HSPA12A: variants seen among roughly 807,000 people sequenced by gnomAD.
HSPA12A encodes heat shock 70 kDa protein 12A.
A neutral mutation model predicts 69.2 loss-of-function variants in HSPA12A; 28 were observed. The ratio of observed to expected loss-of-function variants is 0.40; its 90% confidence interval spans 0.30 to 0.55. The LOEUF is 0.55. HSPA12A is among the 20% of genes least tolerant of loss of function. The probability of loss-of-function intolerance (pLI) is 0.38; values close to 1 mark genes in which losing one functional copy is unlikely to be tolerated. For missense variants in HSPA12A, 686 were observed against 900.7 expected (o/e 0.76, Z 3.05); for synonymous variants, 345 against 370.5 (o/e 0.93, Z 0.79).
intron 2 of HSPA12A, among the ~76,000 whole-genome samples, chr10:116,812,937 C>T (rs1293978421): frequency 6.6e-6 from 1 of 152,172 alleles, no homozygotes; most frequent in Non-Finnish European, 1.5e-5. Context: ...TCCCACTTTC[C>T]ACCATGAGAC....
intron 1 of HSPA12A, among the ~76,000 whole-genome samples, chr10:116,839,604 T>TAAAAAAAAAA (rs59427633): frequency 3.4e-5 from 2 of 59,134 alleles, no homozygotes; most frequent in Non-Finnish European, 6.4e-5. Context: ...ATGCCTACCG[T>TAAAAAAAAAA]AAAAAAAAAA....
upstream of HSPA12A, among the ~76,000 whole-genome samples, chr10:116,744,443 C>T (rs1219995883): frequency 2.6e-5 from 4 of 152,192 alleles, no homozygotes; most frequent in Non-Finnish European, 5.9e-5. Context: ...AGCAGAAACC[C>T]GTAGCCCCTG....
chr10:116,757,808 G>C (rs1450046103), intron 2 of HSPA12A, among the ~76,000 whole-genome samples: 1 of 152,220 alleles, frequency 6.6e-6, no homozygotes, highest in Non-Finnish European at 1.5e-5. Flanking sequence ...GCCAAGGATT[G>C]TCAGCTGCTA....
intron 4 of HSPA12A, among the ~76,000 whole-genome samples, chr10:116,700,079 G>A (rs1169984634): frequency 6.6e-6 from 1 of 152,206 alleles, no homozygotes; most frequent in Non-Finnish European, 1.5e-5. Flanking sequence ...TCCCCATGAG[G>A]AAGGCACTGC....
intron 1 of HSPA12A, among the ~76,000 whole-genome samples, chr10:116,734,722 G>A (rs915387184): frequency 2.7e-5 from 4 of 147,646 alleles, no homozygotes; most frequent in Admixed American, 7.0e-5. Flanking sequence ...GGCTGAGCAC[G>A]GTGGCTCATG....
At chr10:116,700,520 A>T (rs1427082509) in intron 4 of HSPA12A, among the ~76,000 whole-genome samples, 1 of 152,138 alleles carries the variant, frequency 6.6e-6, no homozygotes, top group Admixed American at 6.5e-5. Context: ...TGGTTAGTTA[A>T]GAGCTACTGC....
At chr10:116,729,411 G>A (rs568194429) in intron 1 of HSPA12A, among the ~76,000 whole-genome samples, 2 of 152,282 alleles carry the variant, frequency 1.3e-5, no homozygotes, top group Admixed American at 1.3e-4. Flanking sequence ...GAAATACTCT[G>A]CACTGACATG....
At chr10:116,749,329 C>A (rs1851721598) in intron 2 of HSPA12A, among the ~76,000 whole-genome samples, 1 of 152,208 alleles carries the variant, frequency 6.6e-6, no homozygotes, top group Non-Finnish European at 1.5e-5. Flanking sequence ...ATGTGCTGGG[C>A]ATTGCTCTGG....
rs1844389301 is a variant in HSPA12A at position 116,778,428 on chromosome 10, C to T, written c.91+56507G>A. Among the ~76,000 whole-genome samples, 3 of 152,192 alleles carry T rather than the reference C, an allele frequency of 2.0e-5. No homozygotes were observed. The South Asian group carries it at 6.2e-4, about 32-fold the overall frequency. ...TTCAAAGCAGGCAGAATCGCCCTGA[C>T]ACGGATGGGGAGATGAGGGTGGCAC... On this transcript the variant is annotated intron_variant, in intron 2 of 12. Coordinates refer to the HSPA12A transcript ENST00000635765.
At chr10:116,750,055 C>T (rs868940473) in intron 2 of HSPA12A, 12 of 309,186 alleles carry the variant, frequency 3.9e-5, no homozygotes, top group African/African-American at 2.1e-4. Flanking sequence ...ACAGGATGAT[C>T]GCTCACATAA....
chr10:116,696,002 C>CAAAAAAAAAAAAAGAAAAAA (rs1849887899), intron 5 of HSPA12A, among the ~76,000 whole-genome samples: 1 of 32,714 alleles, frequency 3.1e-5, no homozygotes, highest in Non-Finnish European at 5.0e-5. Context: ...GACTCCATCT[C>CAAAAAAAAAAAAAGAAAAAA]AAAAAAAAAA....
At chr10:116,833,514 A>G (rs1431051837) in intron 2 of HSPA12A, 1 of 152,252 alleles carries the variant, frequency 6.6e-6, no homozygotes, top group Non-Finnish European at 1.5e-5. Context: ...AACATGATAG[A>G]AAGAGTTAAA....
At chr10:116,702,767 A>G (rs183872599) in intron 3 of HSPA12A, among the ~76,000 whole-genome samples, 1 of 152,308 alleles carries the variant, frequency 6.6e-6, no homozygotes, top group Admixed American at 6.5e-5. Context: ...TTTCTCACTT[A>G]TAACTTGTCA....
chr10:116,814,842 T>C (rs1423026848), intron 2 of HSPA12A, among the ~76,000 whole-genome samples: 2 of 152,158 alleles, frequency 1.3e-5, no homozygotes, highest in East Asian at 1.9e-4. Context: ...GAGAGGGTGA[T>C]TGGGTTGCAA....
At chr10:116,805,734 G>A (rs183416335) in intron 2 of HSPA12A, among the ~76,000 whole-genome samples, 19 of 152,142 alleles carry the variant, frequency 1.2e-4, no homozygotes, top group African/African-American at 3.6e-4. Flanking sequence ...ATTGCACAGC[G>A]AAACATTGCA....
intron 2 of HSPA12A, among the ~76,000 whole-genome samples, chr10:116,788,598 C>T (rs2133148665): frequency 6.6e-6 from 1 of 152,318 alleles, no homozygotes; most frequent in East Asian, 1.9e-4. Flanking sequence ...TCTATCAACA[C>T]ATACACAGAG....
chr10:116,826,106 C>A (rs185732187), intron 2 of HSPA12A, among the ~76,000 whole-genome samples: 1 of 152,108 alleles, frequency 6.6e-6, no homozygotes, highest in Non-Finnish European at 1.5e-5. Context: ...GCCCCACCCC[C>A]ACACACACCC....
chr10:116,735,081 G>A lies in HSPA12A; in HGVS notation c.40+7349C>T, dbSNP rs2133055744. Among the ~76,000 whole-genome samples, 3 of 152,346 alleles carry A rather than the reference G, an allele frequency of 2.0e-5. 1 individual carries two copies. Among genetic ancestry groups the A allele is most frequent in the Admixed American group, 2.0e-4 (3 of 15,308 alleles). On this transcript the variant is annotated intron_variant, in intron 1 of 11. Coordinates refer to ENST00000369209, the MANE Select transcript of HSPA12A (RefSeq NM_025015.3). ...GAGAATGTGCCAACACAACTTTTCTGAATACCACCATCATTCTTCATTTAT... is the reference window on the plus strand; with the variant it reads ...GAGAATGTGCCAACACAACTTTTCTAAATACCACCATCATTCTTCATTTAT...
In HSPA12A at chr10:116,788,835, A is replaced by G. The variant is rs550648859; in HGVS notation, c.91+46100T>C. 3.2e-4 allele frequency among the ~76,000 whole-genome samples: 49 copies of G among 151,762 alleles called. 1 individual carries two copies. The South Asian group carries it at 9.6e-3, about 30-fold the overall frequency. Reference sequence around the variant, plus strand: ...TAGCAAACTTGCTGAGTCAATTATGATATATCCATCTGGTAGAATTCTACG... The same window carrying G: ...TAGCAAACTTGCTGAGTCAATTATGGTATATCCATCTGGTAGAATTCTACG... On this transcript the variant is annotated intron_variant, in intron 2 of 12. Coordinates refer to the HSPA12A transcript ENST00000635765.
Sources: gnomAD v4.1 joint callset for allele counts (sites outside exome capture counted in the v4.1 genomes callset) on GRCh38, gnomAD v4.1.1 for gene constraint, MANE v1.5 for transcripts, NCBI Gene and HGNC (gene_info 2026-07-23, HGNC 2026-07-21) for gene names.